CYP27A1: variants seen among roughly 807,000 people sequenced by gnomAD.
The protein encoded by CYP27A1 is sterol 26-hydroxylase, mitochondrial.
In CYP27A1, 46 loss-of-function variants were observed where a neutral mutation model predicts 58.2. That is an observed-to-expected ratio of 0.79 (90% CI 0.62 to 1.01). CYP27A1 has a LOEUF of 1.01. Ranked by LOEUF, CYP27A1 falls within the 50% of genes least tolerant of loss-of-function variation. The probability of loss-of-function intolerance (pLI) is 0.00; values close to 1 mark genes in which losing one functional copy is unlikely to be tolerated. For synonymous variants in CYP27A1, 274 were observed against 285.1 expected (o/e 0.96, Z 0.39); for missense variants, 704 against 687.0 (o/e 1.02, Z -0.28).
chr2:218,791,735 A>G (rs1943495332), intron 1 of CYP27A1, among the ~76,000 whole-genome samples: 1 of 152,196 alleles, frequency 6.6e-6, no homozygotes, highest in Non-Finnish European at 1.5e-5. Flanking sequence ...TCTTTCTGTG[A>G]CATTCTCAGA....
chr2:218,815,112 T>G lies in CYP27A1; in HGVS notation c.*82T>G, dbSNP rs1943777206. On this transcript the variant is annotated 3_prime_UTR_variant, in exon 9 of 9. Transcript: ENST00000258415. Reference sequence around the variant, plus strand: ...TTCCTGGCTGCTGCCATGTCTCAGATGAGGAGGGAGAGAAGGAGGCCGCCA... The same window carrying G: ...TTCCTGGCTGCTGCCATGTCTCAGAGGAGGAGGGAGAGAAGGAGGCCGCCA... 11 of 1,580,730 alleles carry G rather than the reference T, an allele frequency of 7.0e-6. No homozygotes were observed.
intron 2 of CYP27A1, among the ~76,000 whole-genome samples, chr2:218,811,547 C>A (rs900145430): frequency 1.3e-5 from 2 of 152,106 alleles, no homozygotes; most frequent in Non-Finnish European, 2.9e-5. Context: ...AGGAGGAGGC[C>A]TGACCACCTA....
intron 1 of CYP27A1, among the ~76,000 whole-genome samples, chr2:218,788,480 G>A (rs1446054559): frequency 6.6e-6 from 1 of 152,158 alleles, no homozygotes; most frequent in Non-Finnish European, 1.5e-5. Flanking sequence ...ACCTCTTAAT[G>A]GGAGGCATGT....
At chr2:218,788,253 A>G (rs927208857) in intron 1 of CYP27A1, among the ~76,000 whole-genome samples, 2 of 152,218 alleles carry the variant, frequency 1.3e-5, no homozygotes, top group Non-Finnish European at 2.9e-5. Flanking sequence ...CTCTCTTCAT[A>G]TGACTGGCTT....
At chr2:218,795,248 C>T (rs981126647) in intron 1 of CYP27A1, among the ~76,000 whole-genome samples, 1 of 152,182 alleles carries the variant, frequency 6.6e-6, no homozygotes, top group East Asian at 1.9e-4. Flanking sequence ...GCCTCTGGAT[C>T]CTGTAGATCC....
intron 6 of CYP27A1, 53 bp downstream of exon 6, chr2:218,814,240 T>C: frequency 6.2e-7 from 1 of 1,612,360 alleles, no homozygotes; most frequent in Non-Finnish European, 8.5e-7. Flanking sequence ...GGGGAGGGAA[T>C]CAGAGGAGGA....
At chr2:218,796,266 T>C (rs1204954848) in intron 1 of CYP27A1, among the ~76,000 whole-genome samples, 2 of 152,228 alleles carry the variant, frequency 1.3e-5, no homozygotes, top group African/African-American at 2.4e-5. Context: ...TGGATTCTTA[T>C]TGCACTGATG....
chr2:218,787,912 C>A (rs1943455073), intron 1 of CYP27A1, among the ~76,000 whole-genome samples: 1 of 152,198 alleles, frequency 6.6e-6, no homozygotes, highest in African/African-American at 2.4e-5. Context: ...GCACTAGAAC[C>A]CTCTGTTCTA....
At chr2:218,807,140 T>C (rs1943660214) in intron 1 of CYP27A1, among the ~76,000 whole-genome samples, 1 of 151,722 alleles carries the variant, frequency 6.6e-6, no homozygotes, top group Non-Finnish European at 1.5e-5. Context: ...TTTGTATTTT[T>C]AGTAGAGACG....
chr2:218,782,554 C>G lies in CYP27A1; in HGVS notation c.255+117C>G, dbSNP rs1448337337. On this transcript the variant is annotated intron_variant, in intron 1 of 8. Coordinates refer to ENST00000258415, the MANE Select transcript of CYP27A1 (RefSeq NM_000784.4). The surrounding 1 kb of genome is among the most constrained non-coding windows in gnomAD (Gnocchi z 4.1). ...CTGCAGGAACTCAGCTGGGGACCCA[C>G]TGAGGCTATGGTCATAAACTGGAAA... 3 of 1,329,322 alleles carry G rather than the reference C, an allele frequency of 2.3e-6. No homozygotes were observed. The East Asian group carries it at 6.9e-5, about 31-fold the overall frequency. 82.3% of individuals were successfully genotyped at this position (1,329,322 alleles called of 1,614,324 possible).
At chr2:218,785,939 T>G (rs1943436651) in intron 1 of CYP27A1, among the ~76,000 whole-genome samples, 1 of 152,086 alleles carries the variant, frequency 6.6e-6, no homozygotes, top group Non-Finnish European at 1.5e-5. Context: ...AAAAGACCAA[T>G]AGTTGAGTGT....
chr2:218,786,674 G>T (rs1195232663), intron 1 of CYP27A1, among the ~76,000 whole-genome samples: 1 of 152,070 alleles, frequency 6.6e-6, no homozygotes, highest in Non-Finnish European at 1.5e-5. Context: ...TTTGTGCACT[G>T]CCTGGCTTGG....
intron 1 of CYP27A1, among the ~76,000 whole-genome samples, chr2:218,788,997 T>C (rs933107930): frequency 5.3e-5 from 8 of 152,122 alleles, no homozygotes; most frequent in African/African-American, 1.9e-4. Context: ...GCCTCAGAGA[T>C]GGGAATATGA....
At chr2:218,798,391 T>C (rs1312744045) in intron 1 of CYP27A1, among the ~76,000 whole-genome samples, 1 of 152,228 alleles carries the variant, frequency 6.6e-6, no homozygotes, top group East Asian at 1.9e-4. Context: ...AATTACATGT[T>C]ATAATGGTAA....
intron 1 of CYP27A1, among the ~76,000 whole-genome samples, chr2:218,790,189 T>C (rs1253917999): frequency 6.6e-6 from 1 of 152,246 alleles, no homozygotes; most frequent in Non-Finnish European, 1.5e-5. Flanking sequence ...TTTGTGTTTC[T>C]GGTCTCAGCA....
chr2:218,811,503 TGTTTCCACCCAC>T (rs1030832093), intron 2 of CYP27A1, among the ~76,000 whole-genome samples: 1 of 152,176 alleles, frequency 6.6e-6, no homozygotes, highest in African/African-American at 2.4e-5. Flanking sequence ...ATGGAAAGTA[TGTTTCCACCCAC>T]GTGAGCACCC....
intron 1 of CYP27A1, 113 bp from the exon 2 acceptor site, chr2:218,809,464 T>TTTTTCA: frequency 2.8e-6 from 1 of 355,636 alleles, no homozygotes; most frequent in South Asian, 3.2e-5. Context: ...TTTTTTTTTT[T>TTTTTCA]GCCCAGCTCA....
intron 1 of CYP27A1, among the ~76,000 whole-genome samples, chr2:218,808,155 G>A (rs962766605): frequency 3.9e-5 from 6 of 152,088 alleles, no homozygotes; most frequent in African/African-American, 1.4e-4. Flanking sequence ...TCGTACTTTT[G>A]TAAATATTAA....
At chr2:218,811,297 C>G (rs1943712908) in intron 2 of CYP27A1, among the ~76,000 whole-genome samples, 1 of 152,178 alleles carries the variant, frequency 6.6e-6, no homozygotes, top group African/African-American at 2.4e-5. Context: ...GTATTCTCCC[C>G]TCTTTATCCA....
Sources: allele counts gnomAD v4.1 joint callset (sites outside exome capture counted in the v4.1 genomes callset), GRCh38; gene constraint gnomAD v4.1.1; non-coding constraint Gnocchi (gnomAD v3.1); transcripts MANE v1.5; gene names NCBI Gene and HGNC (gene_info 2026-07-23, HGNC 2026-07-21).